Variants in RPS6KA3 observed in about 807,000 individuals in gnomAD.
RPS6KA3 encodes the protein ribosomal protein S6 kinase A3.
RPS6KA3 carries 4 observed loss-of-function variants against 67.2 expected under a neutral mutation model. That is an observed-to-expected ratio of 0.06 (90% CI 0.03 to 0.14). The LOEUF is 0.14. Among genes scored for constraint, RPS6KA3 ranks in the 10% least tolerant of loss-of-function variants. The pLI is 1.00. For missense variants in RPS6KA3, 204 were observed against 559.0 expected, an observed-to-expected ratio of 0.36 and a Z score of 6.40; for synonymous variants, 182 against 183.7, an observed-to-expected ratio of 0.99 and a Z score of 0.07.
chrX:20,181,471 TCA>T, intron 10 of RPS6KA3, among the ~76,000 whole-genome samples: 1 of 110,801 alleles, frequency 9.0e-6, no homozygotes, highest in East Asian at 2.8e-4. Context: ...GCTCCTTCCC[TCA>T]CACAGTAAGG....
At chrX:20,246,757 A>T (rs1372311892) in intron 1 of RPS6KA3, among the ~76,000 whole-genome samples, 1 of 112,243 alleles carries the variant, frequency 8.9e-6, no homozygotes, top group Admixed American at 9.4e-5. Context: ...AAACATATAT[A>T]TTCTTACAAA....
At chrX:20,159,240 C>T (rs2067253748) in intron 20 of RPS6KA3, among the ~76,000 whole-genome samples, 1 of 112,157 alleles carries the variant, frequency 8.9e-6, no homozygotes, top group Non-Finnish European at 1.9e-5. Context: ...ATTGCAAAAC[C>T]TTACAAGTAC....
intron 2 of RPS6KA3, among the ~76,000 whole-genome samples, chrX:20,222,100 A>C (rs2068999604): frequency 8.9e-6 from 1 of 112,924 alleles, no homozygotes; most frequent in South Asian, 3.6e-4. Flanking sequence ...ACAAAGTCTA[A>C]GATATTTATT....
At chrX:20,183,554 T>C (rs887939941) in intron 10 of RPS6KA3, among the ~76,000 whole-genome samples, 3 of 111,765 alleles carry the variant, frequency 2.7e-5, no homozygotes, top group Non-Finnish European at 3.8e-5. Context: ...TTCCCAATGG[T>C]CGCAAATTAA....
chrX:20,174,192 T>G (rs1303811905), intron 14 of RPS6KA3, among the ~76,000 whole-genome samples: 2 of 111,352 alleles, frequency 1.8e-5, no homozygotes, highest in East Asian at 2.8e-4. Context: ...ACTCCTGTTC[T>G]AAGGCATCAA....
In RPS6KA3 at chrX:20,151,446, A is replaced by G. The variant is rs956371407; in HGVS notation, c.*3952T>C. 8.9e-6 allele frequency: 1 copy of G among 112,753 alleles called. No homozygotes were observed. The highest frequency in any genetic ancestry group is 1.9e-5 in the Non-Finnish European group (1 of 53,301). The allele number at this position is 112,753 out of a possible 1,213,427, so 9.3% of individuals were successfully genotyped here. ...AAGTCAACTTATCTGTGAATTAAGT[A>G]AGGCTCAAAGTATATATCCAGTTTA... is the stretch of plus-strand genomic sequence containing the variant. On this transcript the variant is annotated 3_prime_UTR_variant, in exon 22 of 22. Transcript: ENST00000379565.
intron 2 of RPS6KA3, among the ~76,000 whole-genome samples, chrX:20,222,971 T>C (rs1270631495): frequency 9.0e-6 from 1 of 111,665 alleles, no homozygotes; most frequent in Non-Finnish European, 1.9e-5. Context: ...TTTAGATATA[T>C]AGTGTTAAAG....
intron 4 of RPS6KA3, among the ~76,000 whole-genome samples, chrX:20,198,768 A>G (rs763228703): frequency 1.2e-4 from 13 of 112,717 alleles, no homozygotes; most frequent in Admixed American, 2.8e-4. Context: ...CTGCATAAAG[A>G]AACATAAATT....
rs1204690123 is a variant in RPS6KA3, at chrX:20,151,470, TAA to T, written c.*3926_*3927del. The T allele has an allele frequency of 8.9e-6, 1 of 112,360 alleles. No homozygotes were observed. Among genetic ancestry groups the T allele is most frequent in the Non-Finnish European group, 1.9e-5 (1 of 53,222 alleles). 9.3% of individuals were successfully genotyped at this position (112,360 alleles called of 1,213,427 possible). On this transcript the variant is annotated 3_prime_UTR_variant, in exon 22 of 22. Transcript: ENST00000379565. Reference sequence around the variant, plus strand: ...TAAGGCTCAAAGTATATATCCAGTTTAAAGTTAGTTACATGGCATTGGGCCTT... The same window carrying T: ...TAAGGCTCAAAGTATATATCCAGTTTAGTTAGTTACATGGCATTGGGCCTT...
intron 2 of RPS6KA3, among the ~76,000 whole-genome samples, chrX:20,210,001 G>C (rs909859497): frequency 4.5e-5 from 5 of 111,874 alleles, no homozygotes; most frequent in Non-Finnish European, 7.5e-5. Context: ...GGGGAGAAAG[G>C]AGTAACTCTA....
At chrX:20,181,890 G>A (rs1335029231) in intron 10 of RPS6KA3, among the ~76,000 whole-genome samples, 1 of 111,831 alleles carries the variant, frequency 8.9e-6, no homozygotes, top group Non-Finnish European at 1.9e-5. Context: ...CAGGAAGATG[G>A]TACAGTAACT....
At chrX:20,264,959 TATTAAACATC>T (rs1184924711) in intron 1 of RPS6KA3, among the ~76,000 whole-genome samples, 4 of 112,658 alleles carry the variant, frequency 3.6e-5, no homozygotes, top group Non-Finnish European at 7.5e-5. Context: ...TCTAAAGGAT[TATTAAACATC>T]ATAAATTTGG....
intron 20 of RPS6KA3, among the ~76,000 whole-genome samples, chrX:20,157,303 T>C (rs1317756367): frequency 9.2e-6 from 1 of 108,582 alleles, no homozygotes; most frequent in Non-Finnish European, 1.9e-5. Flanking sequence ...AACACAGAAA[T>C]GAAGTCTAGG....
chrX:20,227,205 C>G (rs1022277910), intron 2 of RPS6KA3, among the ~76,000 whole-genome samples: 2 of 111,217 alleles, frequency 1.8e-5, no homozygotes, highest in Admixed American at 9.6e-5. Context: ...TCAATCTGGA[C>G]TGAGTACTCT....
At chrX:20,249,085 CT>C (rs1001962094) in intron 1 of RPS6KA3, among the ~76,000 whole-genome samples, 3 of 111,971 alleles carry the variant, frequency 2.7e-5, no homozygotes, top group African/African-American at 9.8e-5. Context: ...AGCATGTGAC[CT>C]TTTTTTCACT....
intron 1 of RPS6KA3, among the ~76,000 whole-genome samples, chrX:20,264,302 T>C (rs2070314566): frequency 8.9e-6 from 1 of 112,349 alleles, no homozygotes; most frequent in Admixed American, 9.4e-5. Flanking sequence ...GAAAACATGA[T>C]AGTAACTGAA....
rs1360561190 is a variant in RPS6KA3 at position 20,266,635 on chromosome X, T to TC, written c.-4dup. 65 of 1,127,299 alleles carry TC rather than the reference T, an allele frequency of 5.8e-5. No homozygotes were observed. The highest frequency in any genetic ancestry group is 7.4e-5 in the Non-Finnish European group (63 of 856,539). The allele number at this position is 1,127,299 out of a possible 1,213,427, so 92.9% of individuals were successfully genotyped here. On this transcript the variant is annotated 5_prime_UTR_variant, in exon 1 of 22. Transcript: ENST00000379565. The stretch of plus-strand genomic sequence containing the variant: ...TCCGCCAGCTGCGCCAGCGGCATCT[T>TC]CCCCCCCGGCCCGCCGCCTTCACCG...
At chrX:20,247,187 C>T (rs975642117) in intron 1 of RPS6KA3, among the ~76,000 whole-genome samples, 2 of 111,518 alleles carry the variant, frequency 1.8e-5, no homozygotes, top group Non-Finnish European at 3.8e-5. Context: ...GAAATCCCAG[C>T]ACTTTGGATA....
intron 2 of RPS6KA3, among the ~76,000 whole-genome samples, chrX:20,214,841 C>CT (rs753632500): frequency 0.048 from 4,289 of 90,204 alleles, 290 homozygotes; most frequent in African/African-American, 0.16. Flanking sequence ...TTCTTTTTTT[C>CT]TTTTTTTTTT....
Sources: allele counts gnomAD v4.1 joint callset (sites outside exome capture counted in the v4.1 genomes callset), GRCh38; gene constraint gnomAD v4.1.1; transcripts MANE v1.5; gene names NCBI Gene and HGNC (gene_info 2026-07-23, HGNC 2026-07-21).